EXOC6: variants seen among roughly 807,000 people sequenced by gnomAD.
The protein encoded by EXOC6 is SEC15-like 1.
Under a neutral mutation model 112.5 loss-of-function variants are expected in EXOC6, and 60 were observed. That is an observed-to-expected ratio of 0.53 (90% confidence interval 0.43 to 0.66). The LOEUF is 0.66. EXOC6 is among the 30% of genes least tolerant of loss of function. The pLI is 0.00. For synonymous variants in EXOC6, 295 were observed against 308.0 expected (o/e 0.96, Z 0.44); for missense variants, 855 against 957.1 (o/e 0.89, Z 1.41).
At chr10:92,932,761 T>C (rs1852116836) in intron 9 of EXOC6, among the ~76,000 whole-genome samples, 1 of 152,142 alleles carries the variant, frequency 6.6e-6, no homozygotes, top group African/African-American at 2.4e-5. Flanking sequence ...AAAGTATAAA[T>C]ATTTAGGTAA....
chr10:92,891,273 C>T (rs1296671609), intron 1 of EXOC6, among the ~76,000 whole-genome samples: 1 of 151,898 alleles, frequency 6.6e-6, no homozygotes, highest in Non-Finnish European at 1.5e-5. Context: ...GAGGTCAGGG[C>T]AGAGATAAAA....
intron 17 of EXOC6, among the ~76,000 whole-genome samples, chr10:92,970,066 G>C (rs1589939772): frequency 2.0e-5 from 3 of 151,932 alleles, no homozygotes; most frequent in Non-Finnish European, 2.9e-5. Context: ...CAAGACAGGG[G>C]TGATTTCCTT....
chr10:92,962,692 T>C (rs1030182552), intron 17 of EXOC6, among the ~76,000 whole-genome samples: 1 of 152,174 alleles, frequency 6.6e-6, no homozygotes, highest in Non-Finnish European at 1.5e-5. Context: ...TGTCAGGCCC[T>C]AAAGTGCATT....
intron 18 of EXOC6, among the ~76,000 whole-genome samples, chr10:92,980,632 T>C (rs1842792563): frequency 6.6e-6 from 1 of 152,206 alleles, no homozygotes; most frequent in Non-Finnish European, 1.5e-5. Context: ...TTTGAATCAT[T>C]ATTATAGCTT....
chr10:92,948,573 C>CACTGCTACT (rs1554900787), intron 14 of EXOC6, among the ~76,000 whole-genome samples, 194 bp downstream of exon 14: 15 of 140,174 alleles, frequency 1.1e-4, no homozygotes, highest in Non-Finnish European at 1.7e-4. Flanking sequence ...CTACTACTAC[C>CACTGCTACT]ACTACTACTA....
At chr10:92,870,813 G>A (rs372905593) in intron 1 of EXOC6, among the ~76,000 whole-genome samples, 3 of 151,732 alleles carry the variant, frequency 2.0e-5, no homozygotes, top group Non-Finnish European at 2.9e-5. Context: ...GGTTCAAAGC[G>A]ATTCTCCTGC....
At position 92,962,494 on chromosome 10, in the gene EXOC6, A is replaced by G. The variant is rs376260026; in HGVS notation, c.1773+6780A>G. Among the ~76,000 whole-genome samples the G allele has an allele frequency of 1.1e-4, 17 of 152,038 alleles. No individual in the cohort carries two copies. In the East Asian group the frequency reaches 2.7e-3, roughly 24 times the overall value. On this transcript the variant is annotated intron_variant, in intron 17 of 21. Coordinates refer to ENST00000260762, the MANE Select transcript of EXOC6 (RefSeq NM_019053.6). ...AGCCTCAACTTCCTGGGCTCAAGCA[A>G]TCCTCCCACCTCAGCCTCCCAAATA...
chr10:93,014,325 CTTT>C, intron 20 of EXOC6, 58 bp downstream of exon 20: 1 of 1,074,746 alleles, frequency 9.3e-7, no homozygotes. Flanking sequence ...CCTCCCCTCA[CTTT>C]TTTTTTTTAT....
At chr10:92,921,245 C>CT (rs11443044) in intron 8 of EXOC6, among the ~76,000 whole-genome samples, 70,562 of 115,592 alleles carry the variant, frequency 0.61, 22,678 homozygotes, top group East Asian at 0.95. Context: ...TTGTCATTTC[C>CT]TTTTTTTTTT....
chr10:92,854,428 T>A (rs2133643591), intron 1 of EXOC6, among the ~76,000 whole-genome samples: 1 of 149,294 alleles, frequency 6.7e-6, no homozygotes, highest in Middle Eastern at 3.5e-3. Context: ...AGAATGAGAC[T>A]CCATCTCAAA....
Position 92,976,840 on chromosome 10 carries a change from T to TA in EXOC6, c.1953+2617dup, listed in dbSNP as rs200608995. Reference sequence around the variant, plus strand: ...TTTGGACAGTTGGTTGATGAAACATTAAAAAAAAAGATACAGCAAGGACAT... The same window carrying TA: ...TTTGGACAGTTGGTTGATGAAACATTAAAAAAAAAAGATACAGCAAGGACAT... On this transcript the variant is annotated intron_variant, in intron 18 of 21. Transcript: ENST00000260762. Among the ~76,000 whole-genome samples, 32 of 150,706 alleles carry TA rather than the reference T, an allele frequency of 2.1e-4. No individual in the cohort carries two copies. The East Asian group carries it at 5.8e-3, about 27-fold the overall frequency.
chr10:93,035,797 G>T (rs1362681403), intron 20 of EXOC6, among the ~76,000 whole-genome samples: 1 of 152,232 alleles, frequency 6.6e-6, no homozygotes, highest in East Asian at 1.9e-4. Flanking sequence ...GGAGGTTGCA[G>T]TGAGCCAAGA....
chr10:93,042,693 A>C (rs1362055786), intron 20 of EXOC6, among the ~76,000 whole-genome samples: 1 of 152,198 alleles, frequency 6.6e-6, no homozygotes. Flanking sequence ...TGTATTGTTT[A>C]TAAGTCACTC....
chr10:92,853,182 A>T (rs971785602), intron 1 of EXOC6, among the ~76,000 whole-genome samples: 1 of 152,198 alleles, frequency 6.6e-6, no homozygotes, highest in Non-Finnish European at 1.5e-5. Context: ...CTGACTAAAG[A>T]TGTGGAAGAC....
At chr10:92,863,648 C>G (rs867353547) in intron 1 of EXOC6, among the ~76,000 whole-genome samples, 7 of 152,050 alleles carry the variant, frequency 4.6e-5, no homozygotes, top group South Asian at 4.2e-4. Flanking sequence ...TGCGGTGGCT[C>G]ACGCCTGTAA....
At chr10:92,899,324 C>T (rs977921039) in intron 4 of EXOC6, among the ~76,000 whole-genome samples, 1 of 151,940 alleles carries the variant, frequency 6.6e-6, no homozygotes, top group Non-Finnish European at 1.5e-5. Context: ...CTCAGTTATA[C>T]GTGGTTAGCA....
chr10:92,847,530 C>T (rs564015267), upstream of EXOC6, among the ~76,000 whole-genome samples: 12 of 152,314 alleles, frequency 7.9e-5, no homozygotes, highest in African/African-American at 2.9e-4. Flanking sequence ...CTTTTCAAAG[C>T]CCTGGATTAA....
intron 3 of EXOC6, 40 bp downstream of exon 3, chr10:92,894,881 TG>T: frequency 3.1e-6 from 5 of 1,609,742 alleles, no homozygotes; most frequent in Non-Finnish European, 4.3e-6. Flanking sequence ...AGTATGTAGT[TG>T]TTCTTTAACT....
intron 17 of EXOC6, among the ~76,000 whole-genome samples, chr10:92,965,868 A>G (rs1842025148): frequency 6.6e-6 from 1 of 152,202 alleles, no homozygotes; most frequent in Non-Finnish European, 1.5e-5. Flanking sequence ...CTTAGTCCTT[A>G]GAAAAGTCCT....
Sources: allele counts gnomAD v4.1 joint callset (sites outside exome capture counted in the v4.1 genomes callset), GRCh38; gene constraint gnomAD v4.1.1; transcripts MANE v1.5; gene names NCBI Gene and HGNC (gene_info 2026-07-23, HGNC 2026-07-21).